TSPAN9: variants seen among roughly 807,000 people sequenced by gnomAD.
TSPAN9 encodes tetraspanin-9.
TSPAN9 carries 16 observed loss-of-function variants against 31.0 expected under a neutral mutation model. The ratio of observed to expected loss-of-function variants is 0.52; its 90% CI spans 0.35 to 0.78. The LOEUF is 0.78. TSPAN9 is among the 30% of genes least tolerant of loss of function. The pLI, the probability that TSPAN9 is intolerant of heterozygous loss-of-function variation, is 0.01. For synonymous variants in TSPAN9, 145 were observed against 121.6 expected (o/e 1.19, Z -1.27); for missense variants, 272 against 312.5 (o/e 0.87, Z 0.98).
chr12:3,134,958 C>G, intron 2 of TSPAN9, among the ~76,000 whole-genome samples: 1 of 152,132 alleles, frequency 6.6e-6, no homozygotes, highest in Non-Finnish European at 1.5e-5. Context: ...CAGGGGCTGG[C>G]TAGCTGTGGA....
At chr12:3,194,233 T>C (rs7959185) in intron 2 of TSPAN9, among the ~76,000 whole-genome samples, 57,744 of 151,960 alleles carry the variant, frequency 0.38, 11,650 homozygotes, top group African/African-American at 0.52. Context: ...GCTCAGTGAC[T>C]GGAGCAGAGG....
Position 3,147,595 on chromosome 12 carries a change from T to C in TSPAN9, c.-17-53582T>C, listed in dbSNP as rs1329290263. Among the ~76,000 whole-genome samples, 1 of 152,184 alleles carries C rather than the reference T, an allele frequency of 6.6e-6. No homozygotes were observed. Among genetic ancestry groups the C allele is most frequent in the Non-Finnish European group, 1.5e-5 (1 of 68,032 alleles). On this transcript the variant is annotated intron_variant, in intron 2 of 8. Coordinates refer to ENST00000011898, the MANE Select transcript of TSPAN9 (RefSeq NM_006675.5). The surrounding 1 kb of genome is among the most constrained non-coding windows in gnomAD (Gnocchi z 4.3). The stretch of plus-strand genomic sequence containing the variant: ...CAGCCCAGTGCTGCAACGATGGAAG[T>C]GTTCTGTTCTGTACCGCCCAGTACA...
rs529864666 is a variant in TSPAN9 at position 3,170,150 on chromosome 12, G to T, written c.-17-31027G>T. On this transcript the variant is annotated intron_variant, in intron 2 of 8. Transcript: ENST00000011898. This position sits in a 1 kb window ranked among gnomAD's most constrained non-coding sequence, Gnocchi z 4.4. ...GTCTCACTGGGTTGCTGTGAGGATT[G>T]AGTGAGGCAAACAGCCTGTAAATAG... Among the ~76,000 whole-genome samples, 1 of 152,286 alleles carries T rather than the reference G, an allele frequency of 6.6e-6. No homozygotes were observed. Among genetic ancestry groups the T allele is most frequent in the South Asian group, 2.1e-4 (1 of 4,816 alleles).
At chr12:3,261,628 G>A (rs550790704) in intron 3 of TSPAN9, among the ~76,000 whole-genome samples, 40 of 152,332 alleles carry the variant, frequency 2.6e-4, no homozygotes, top group African/African-American at 9.4e-4. Context: ...ATGACACACA[G>A]GAAGTGGGCC....
At chr12:3,189,195 C>G (rs2098363049) in intron 2 of TSPAN9, among the ~76,000 whole-genome samples, 1 of 152,096 alleles carries the variant, frequency 6.6e-6, no homozygotes, top group Admixed American at 6.5e-5. Context: ...TGAAACATCT[C>G]CTCAAGGCTG....
At position 3,281,349 on chromosome 12, in the gene TSPAN9, G is replaced by A. The variant is rs925275620; in HGVS notation, c.564+20G>A. On this transcript the variant is annotated intron_variant, in intron 7 of 8. Transcript: ENST00000011898. ...AGAACGGTGAGGCTGGGGATGGACC[G>A]CTTGGGTCCAAGAGCCCGTGTGTGG... 4.0e-5 allele frequency: 61 copies of A among 1,541,682 alleles called. No homozygotes were observed. Among genetic ancestry groups the A allele is most frequent in the African/African-American group, 3.7e-4 (27 of 72,730 alleles).
At chr12:3,083,483 T>C (rs1172281649) in intron 1 of TSPAN9, among the ~76,000 whole-genome samples, 170 bp from the exon 2 acceptor site, 1 of 152,172 alleles carries the variant, frequency 6.6e-6, no homozygotes, top group Non-Finnish European at 1.5e-5. Context: ...GCCAACTGAG[T>C]GGCATTAGCA....
At chr12:3,161,597 T>C (rs2098345247) in intron 2 of TSPAN9, among the ~76,000 whole-genome samples, 1 of 152,190 alleles carries the variant, frequency 6.6e-6, no homozygotes, top group Non-Finnish European at 1.5e-5. Flanking sequence ...GAAAGTGCTC[T>C]TGGAAAATGC....
intron 3 of TSPAN9, among the ~76,000 whole-genome samples, chr12:3,261,492 G>A (rs558954812): frequency 4.3e-4 from 66 of 152,290 alleles, no homozygotes; most frequent in African/African-American, 1.6e-3. Context: ...CCAGGTCCAA[G>A]CTGTGACTCC....
chr12:3,200,988 A>C, intron 2 of TSPAN9, 189 bp from the exon 3 acceptor site: 1 of 585,180 alleles, frequency 1.7e-6, no homozygotes. Flanking sequence ...AAGGACTCGG[A>C]CTTTGCCAAG....
At chr12:3,238,634 T>C (rs2098395036) in intron 3 of TSPAN9, among the ~76,000 whole-genome samples, 1 of 152,214 alleles carries the variant, frequency 6.6e-6, no homozygotes, top group Non-Finnish European at 1.5e-5. Context: ...AGCTATCCTT[T>C]ATTCCCTGTT....
intron 2 of TSPAN9, among the ~76,000 whole-genome samples, chr12:3,100,084 T>G (rs1461894940): frequency 6.6e-6 from 1 of 152,068 alleles, no homozygotes; most frequent in Non-Finnish European, 1.5e-5. Context: ...CTCATGGTGA[T>G]CCGCCCGCCT....
chr12:3,150,378 C>G (rs1233760534), intron 2 of TSPAN9, among the ~76,000 whole-genome samples: 3 of 152,072 alleles, frequency 2.0e-5, no homozygotes, highest in African/African-American at 4.8e-5. Flanking sequence ...GGAGGGTTTC[C>G]TTTGAAAAAT....
Position 3,200,989 on chromosome 12 carries a change from C to G in TSPAN9, c.-17-188C>G, listed in dbSNP as rs2098371215. On this transcript the variant is annotated intron_variant, in intron 2 of 8. Coordinates refer to ENST00000011898, the MANE Select transcript of TSPAN9 (RefSeq NM_006675.5). ...CATCTTTGGACAGCAAGGACTCGGA[C>G]TTTGCCAAGCCGTCCACCTCCGGCC... 9 of 586,372 alleles carry G rather than the reference C, an allele frequency of 1.5e-5. 1 individual carries two copies. In the South Asian group the frequency reaches 1.7e-4, roughly 11 times the overall value. The allele number at this position is 586,372 out of a possible 1,614,324, so 36.3% of individuals were successfully genotyped here. A position where few individuals can be genotyped will look rare whatever the true frequency, so the allele number is the denominator to read the frequency against.
At chr12:3,092,071 GA>G (rs1387556233) in intron 2 of TSPAN9, among the ~76,000 whole-genome samples, 2 of 152,222 alleles carry the variant, frequency 1.3e-5, no homozygotes, top group Non-Finnish European at 2.9e-5. Flanking sequence ...TCACGGACAA[GA>G]AAAGAAACCT....
chr12:3,201,318 T>TATTCACCCTATG, intron 3 of TSPAN9, 62 bp downstream of exon 3: 13 of 1,455,330 alleles, frequency 8.9e-6, no homozygotes, highest in African/African-American at 1.4e-5. Context: ...TACCATAGCG[T>TATTCACCCTATG]GAATACCCTC....
At position 3,098,271 on chromosome 12, in the gene TSPAN9, A is replaced by G. The variant is rs1334142552; in HGVS notation, c.-18+14552A>G. ...CAGGAGTTGCAGGGAGAAGAGCCTT[A>G]AAGATGGGTAGAATGTTTTCATTGC... On this transcript the variant is annotated intron_variant, in intron 2 of 8. Coordinates refer to ENST00000011898, the MANE Select transcript of TSPAN9 (RefSeq NM_006675.5). Among the ~76,000 whole-genome samples the G allele has an allele frequency of 2.6e-5, 4 of 152,198 alleles. No homozygotes were observed. In the South Asian group the frequency reaches 8.3e-4, roughly 32 times the overall value.
At chr12:3,231,501 T>C (rs2153976119) in intron 3 of TSPAN9, among the ~76,000 whole-genome samples, 1 of 152,254 alleles carries the variant, frequency 6.6e-6, no homozygotes, top group South Asian at 2.1e-4. Context: ...CGGCAGAGAC[T>C]GAGAGGGAGC....
At chr12:3,221,353 TTTTTCTC>T (rs1292930875) in intron 3 of TSPAN9, among the ~76,000 whole-genome samples, 12 of 115,832 alleles carry the variant, frequency 1.0e-4, no homozygotes, top group African/African-American at 2.1e-4. Context: ...ATTTAAAATA[TTTTTCTC>T]TTTTTTTTTT....
Sources: allele counts gnomAD v4.1 joint callset (sites outside exome capture counted in the v4.1 genomes callset), GRCh38; gene constraint gnomAD v4.1.1; non-coding constraint Gnocchi (gnomAD v3.1); transcripts MANE v1.5; gene names NCBI Gene and HGNC (gene_info 2026-07-23, HGNC 2026-07-21).